The following SLC10A7 variants were observed in gnomAD, a reference collection of about 807,000 sequenced individuals.
The protein encoded by SLC10A7 is sodium/bile acid cotransporter 7.
Under a neutral mutation model 43.2 loss-of-function variants are expected in SLC10A7, and 29 were observed. The ratio of observed to expected loss-of-function variants is 0.67; its 90% CI spans 0.50 to 0.92. The LOEUF (loss-of-function observed/expected upper bound fraction) is 0.92, where lower values mean the gene tolerates loss of function less well. SLC10A7 is among the 40% of genes least tolerant of loss of function. The pLI is 0.00. For missense variants in SLC10A7, 295 were observed against 403.2 expected (o/e 0.73, Z 2.30); for synonymous variants, 152 against 144.8 (o/e 1.05, Z -0.35).
chr4:146,301,916 T>C (rs927534402), intron 7 of SLC10A7, among the ~76,000 whole-genome samples: 4 of 152,184 alleles, frequency 2.6e-5, no homozygotes, highest in African/African-American at 9.7e-5. Context: ...AAGCTACCTA[T>C]ACTACCTTTT....
Position 146,261,698 on chromosome 4 carries a change from A to G in SLC10A7, c.848-2861T>C, listed in dbSNP as rs534649017. The stretch of plus-strand genomic sequence containing the variant: ...CCCCCTACCACTTTATGTGCCTGCA[A>G]TATCTTCTTGCTAGTCATTAATCAA... On this transcript the variant is annotated intron_variant, in intron 10 of 11. Coordinates refer to ENST00000335472, the MANE Select transcript of SLC10A7 (RefSeq NM_001029998.6). Among the ~76,000 whole-genome samples the G allele has an allele frequency of 3.3e-5, 5 of 152,294 alleles. No homozygotes were observed. The South Asian group carries it at 1.0e-3, about 32-fold the overall frequency.
intron 5 of SLC10A7, among the ~76,000 whole-genome samples, chr4:146,371,230 G>A (rs1560843417): frequency 2.0e-5 from 3 of 152,256 alleles, no homozygotes; most frequent in Middle Eastern, 6.8e-3. Context: ...CCAGATATCG[G>A]GGGTACCAGC....
chr4:146,463,656 G>T (rs1311526205), intron 4 of SLC10A7, among the ~76,000 whole-genome samples: 2 of 151,994 alleles, frequency 1.3e-5, no homozygotes, highest in Non-Finnish European at 2.9e-5. Flanking sequence ...CAGGAGGATT[G>T]CTTGGGCTCA....
intron 4 of SLC10A7, among the ~76,000 whole-genome samples, chr4:146,489,224 A>C (rs1023885793): frequency 6.6e-6 from 1 of 152,162 alleles, no homozygotes; most frequent in African/African-American, 2.4e-5. Context: ...TTTTCCACCT[A>C]GGTAGTTCAG....
chr4:146,341,511 T>C (rs1185722474), intron 5 of SLC10A7, among the ~76,000 whole-genome samples: 2 of 151,828 alleles, frequency 1.3e-5, no homozygotes, highest in Non-Finnish European at 3.0e-5. Flanking sequence ...TGCACACATA[T>C]GTTTATACAT....
intron 5 of SLC10A7, among the ~76,000 whole-genome samples, chr4:146,373,862 AG>A (rs1191854747): frequency 6.6e-6 from 1 of 152,196 alleles, no homozygotes; most frequent in Non-Finnish European, 1.5e-5. Flanking sequence ...GCCAGGAGAC[AG>A]GCAAAGGCTA....
intron 10 of SLC10A7, among the ~76,000 whole-genome samples, chr4:146,276,317 T>C (rs1729202865): frequency 6.6e-6 from 1 of 152,184 alleles, no homozygotes; most frequent in Non-Finnish European, 1.5e-5. Flanking sequence ...GGCTGAACAC[T>C]ACAGTGAAAA....
intron 5 of SLC10A7, among the ~76,000 whole-genome samples, chr4:146,347,037 A>G (rs1432850521): frequency 6.6e-6 from 1 of 152,134 alleles, no homozygotes; most frequent in Non-Finnish European, 1.5e-5. Flanking sequence ...TGCTTACCTC[A>G]CCCAACTGAG....
chr4:146,452,531 T>C (rs1462198154), intron 4 of SLC10A7, among the ~76,000 whole-genome samples: 1 of 152,098 alleles, frequency 6.6e-6, no homozygotes, highest in African/African-American at 2.4e-5. Context: ...TAAGAAATAT[T>C]TATTGCTTCT....
intron 5 of SLC10A7, among the ~76,000 whole-genome samples, chr4:146,398,699 C>T (rs1050966522): frequency 6.6e-6 from 1 of 151,998 alleles, no homozygotes; most frequent in Non-Finnish European, 1.5e-5. Context: ...GAGGCAGAAA[C>T]AAACAACAAG....
chr4:146,381,816 T>C (rs1483561068), intron 5 of SLC10A7, among the ~76,000 whole-genome samples: 2 of 152,130 alleles, frequency 1.3e-5, no homozygotes, highest in Non-Finnish European at 2.9e-5. Context: ...CCAGCCATAT[T>C]ATCAATCACC....
At chr4:146,335,250 G>GAAAAAAAAAAAAAAAA (rs772547279) in intron 5 of SLC10A7, among the ~76,000 whole-genome samples, 6 of 70,624 alleles carry the variant, frequency 8.5e-5, no homozygotes, top group East Asian at 4.4e-4. Flanking sequence ...CACAGATGTT[G>GAAAAAAAAAAAAAAAA]TAAAAAAAAA....
rs1014282436 is a variant in SLC10A7 at position 146,362,196 on chromosome 4, T to C, written c.436-36200A>G. 2.6e-5 allele frequency among the ~76,000 whole-genome samples: 4 copies of C among 151,886 alleles called. No individual in the cohort carries two copies. In the East Asian group the frequency reaches 7.7e-4, roughly 29 times the overall value. The stretch of plus-strand genomic sequence containing the variant: ...GAATGTTTATTCAAAGAAATAATAA[T>C]AAAGAACTTTCCAATTCTAGAGAGA... On this transcript the variant is annotated intron_variant, in intron 5 of 11. Transcript: ENST00000335472.
chr4:146,360,291 C>T (rs1735952948), intron 5 of SLC10A7, among the ~76,000 whole-genome samples: 1 of 152,054 alleles, frequency 6.6e-6, no homozygotes, highest in Non-Finnish European at 1.5e-5. Context: ...TCCACTTTTC[C>T]ACCTCCAGCC....
At chr4:146,293,294 C>T (rs187270330) in intron 8 of SLC10A7, among the ~76,000 whole-genome samples, 97 of 152,264 alleles carry the variant, frequency 6.4e-4, no homozygotes, top group African/African-American at 2.2e-3. Context: ...ACAAATATCA[C>T]AAATGCAGTA....
chr4:146,313,557 T>C (rs76824486), intron 6 of SLC10A7, among the ~76,000 whole-genome samples: 10,391 of 152,146 alleles, frequency 0.068, 468 homozygotes, highest in South Asian at 0.19. Context: ...GGTTTATCAT[T>C]TTATGCATCT....
In SLC10A7 at chr4:146,306,512, G is replaced by C. The variant is rs1316369753; in HGVS notation, c.472-503C>G. ...TTTCTTACACAATGTCTAGCAAATG[G>C]GAAATCCTGAAATATAACTTATTTT... On this transcript the variant is annotated intron_variant, in intron 6 of 11. Coordinates refer to ENST00000335472, the MANE Select transcript of SLC10A7 (RefSeq NM_001029998.6). Among the ~76,000 whole-genome samples, 4 of 152,122 alleles carry C rather than the reference G, an allele frequency of 2.6e-5. No homozygotes were observed. In the East Asian group the frequency reaches 7.7e-4, roughly 29 times the overall value.
intron 5 of SLC10A7, among the ~76,000 whole-genome samples, chr4:146,392,436 T>G (rs767580491): frequency 2.0e-5 from 3 of 152,210 alleles, no homozygotes; most frequent in Non-Finnish European, 2.9e-5. Context: ...TATATATGTA[T>G]GTGTATATAT....
intron 9 of SLC10A7, among the ~76,000 whole-genome samples, chr4:146,285,575 C>G (rs1262791715): frequency 1.3e-5 from 2 of 152,132 alleles, no homozygotes; most frequent in African/African-American, 4.8e-5. Flanking sequence ...ATGTTGAACA[C>G]AAGCTAGGGG....
Sources: allele counts gnomAD v4.1 joint callset (sites outside exome capture counted in the v4.1 genomes callset), GRCh38; gene constraint gnomAD v4.1.1; transcripts MANE v1.5; gene names NCBI Gene and HGNC (gene_info 2026-07-23, HGNC 2026-07-21).